RIN2: variants seen among roughly 807,000 people sequenced by gnomAD.
RIN2 encodes Ras and Rab interactor 2.
A neutral mutation model predicts 78.0 loss-of-function variants in RIN2; 36 were observed. That is an observed-to-expected ratio of 0.46 (90% CI 0.35 to 0.61). The LOEUF is 0.61. Ranked by LOEUF, RIN2 falls within the 20% of genes least tolerant of loss-of-function variation. The pLI is 0.00. For synonymous variants in RIN2, 466 were observed against 466.8 expected (o/e 1.00, Z 0.02); for missense variants, 1,087 against 1,159.7 (o/e 0.94, Z 0.91).
At chr20:19,851,736 AG>A (rs2036988074) in intron 2 of RIN2, among the ~76,000 whole-genome samples, 1 of 152,180 alleles carries the variant, frequency 6.6e-6, no homozygotes, top group East Asian at 1.9e-4. Context: ...GGCTCCCAAG[AG>A]CTCTAGCGGG....
intron 5 of RIN2, among the ~76,000 whole-genome samples, chr20:19,958,357 C>G (rs145632531): frequency 6.6e-6 from 1 of 152,258 alleles, no homozygotes; most frequent in South Asian, 2.1e-4. Flanking sequence ...GCAAAACATT[C>G]CAAAGACAGA....
chr20:19,845,990 T>C (rs1056464919), intron 2 of RIN2, among the ~76,000 whole-genome samples: 1 of 152,214 alleles, frequency 6.6e-6, no homozygotes, highest in African/African-American at 2.4e-5. Flanking sequence ...AGGGAATCCT[T>C]TCCCCATTGC....
chr20:19,867,400 A>T (rs1376417684), intron 2 of RIN2, among the ~76,000 whole-genome samples: 1 of 152,204 alleles, frequency 6.6e-6, no homozygotes, highest in Non-Finnish European at 1.5e-5. Context: ...AGTTTTTCCA[A>T]TTATCCCAAT....
chr20:19,908,938 C>T (rs986270453), intron 3 of RIN2, among the ~76,000 whole-genome samples: 1 of 152,176 alleles, frequency 6.6e-6, no homozygotes, highest in African/African-American at 2.4e-5. Context: ...GATCTCAGCT[C>T]ACTGCAACCT....
In RIN2 at chr20:19,952,078, A is replaced by C. The variant is rs773583884; in HGVS notation, c.159-4537A>C. Among the ~76,000 whole-genome samples, 3 of 152,188 alleles carry C rather than the reference A, an allele frequency of 2.0e-5. No individual in the cohort carries two copies. In the East Asian group the frequency reaches 5.8e-4, roughly 29 times the overall value. Reference sequence around the variant, plus strand: ...AGGGATCCAGGATGGGAAAGGGAGGAGGCAAGGCAAAGACGTGGGCTCTGC... The same window carrying C: ...AGGGATCCAGGATGGGAAAGGGAGGCGGCAAGGCAAAGACGTGGGCTCTGC... On this transcript the variant is annotated intron_variant, in intron 4 of 12. Transcript: ENST00000255006.
intron 2 of RIN2, among the ~76,000 whole-genome samples, chr20:19,876,754 A>C (rs934246136): frequency 2.6e-5 from 4 of 151,946 alleles, no homozygotes; most frequent in Non-Finnish European, 5.9e-5. Flanking sequence ...AAAATACAAA[A>C]ATTATCTGGG....
chr20:19,805,803 T>A (rs573573288), intron 2 of RIN2, among the ~76,000 whole-genome samples: 298 of 152,156 alleles, frequency 2.0e-3, no homozygotes, highest in African/African-American at 6.8e-3. Flanking sequence ...TGTGCCATGG[T>A]GGTTTGCTGC....
chr20:19,763,623 G>A (rs944626304), intron 1 of RIN2, among the ~76,000 whole-genome samples: 5 of 152,176 alleles, frequency 3.3e-5, no homozygotes, highest in Admixed American at 3.3e-4. Flanking sequence ...TTTAAACACA[G>A]TCATTTTGTG....
At chr20:19,945,432 C>T (rs919817662) in intron 4 of RIN2, among the ~76,000 whole-genome samples, 2 of 152,198 alleles carry the variant, frequency 1.3e-5, no homozygotes, top group East Asian at 1.9e-4. Flanking sequence ...TTCTTCAGAC[C>T]TCATGCACTG....
chr20:19,935,121 A>T lies in RIN2; in HGVS notation c.80A>T (p.Glu27Val). 6.2e-7 allele frequency: 1 copy of T among 1,601,522 alleles called. No homozygotes were observed. The highest frequency in any genetic ancestry group is 8.5e-7 in the Non-Finnish European group (1 of 1,174,062). The change falls in exon 4 of 13, where the codon GAG (glutamate) becomes GTG (valine). Residue 27 changes from glutamate to valine, a missense_variant. Glu to Val is a moderately radical substitution (Grantham distance 121). This residue lies in a region of RIN2 where 706 missense variants were observed against 667.5 expected (regional missense o/e 1.06). Transcript: ENST00000255006. ...FFKLIDTIAS[E>V]IGELKQEMVR... Reference sequence around the variant, plus strand: ...TAGCTCATTGACACAATTGCCTCGGAGATCGGAGAACTGAAACAGGAGATG... The same window carrying T: ...TAGCTCATTGACACAATTGCCTCGGTGATCGGAGAACTGAAACAGGAGATG...
At chr20:19,814,374 C>T (rs6132234) in intron 2 of RIN2, among the ~76,000 whole-genome samples, 46,111 of 151,534 alleles carry the variant, frequency 0.3, 7,392 homozygotes, top group African/African-American at 0.4. Flanking sequence ...CTTTCCCCTC[C>T]TCCCACCCCC....
At chr20:19,882,525 G>GA (rs2038054519) in intron 2 of RIN2, among the ~76,000 whole-genome samples, 2 of 152,128 alleles carry the variant, frequency 1.3e-5, no homozygotes, top group African/African-American at 4.8e-5. Context: ...CCTTGGAAAA[G>GA]AAAGCTCTAA....
chr20:19,872,797 T>G (rs576631906), intron 2 of RIN2, among the ~76,000 whole-genome samples: 10 of 152,176 alleles, frequency 6.6e-5, no homozygotes, highest in African/African-American at 9.7e-5. Flanking sequence ...AACTACAAAA[T>G]GTGGGACGCT....
At chr20:19,854,720 A>G (rs1383255794) in intron 2 of RIN2, among the ~76,000 whole-genome samples, 4 of 152,168 alleles carry the variant, frequency 2.6e-5, no homozygotes, top group Non-Finnish European at 4.4e-5. Flanking sequence ...TGATTTTTGC[A>G]CATTGATTTT....
chr20:19,928,776 C>G (rs1162707151), intron 3 of RIN2, among the ~76,000 whole-genome samples: 5 of 152,138 alleles, frequency 3.3e-5, no homozygotes. Context: ...CTGCCTTCCT[C>G]TCCCTCTTGT....
At chr20:19,790,803 T>C (rs1354048504) in intron 1 of RIN2, among the ~76,000 whole-genome samples, 2 of 152,202 alleles carry the variant, frequency 1.3e-5, no homozygotes, top group Non-Finnish European at 2.9e-5. Context: ...TAAATGGTCC[T>C]TCCAGCCTCC....
At position 19,893,837 on chromosome 20, in the gene RIN2, G is replaced by A. The variant is rs556404071; in HGVS notation, c.57+4179G>A. ...CTGTAAATTGTAGCATTTTGGGAGG[G>A]CAAGGTGGGCAGATCACTTGAGGTC... On this transcript the variant is annotated intron_variant, in intron 3 of 12. Transcript: ENST00000255006. 1.3e-5 allele frequency among the ~76,000 whole-genome samples: 2 copies of A among 152,242 alleles called. 1 individual carries two copies. Among genetic ancestry groups the A allele is most frequent in the Non-Finnish European group, 2.9e-5 (2 of 68,008 alleles).
At chr20:19,935,256 C>T (rs994560654) in intron 4 of RIN2, 57 bp downstream of exon 4, 3 of 1,455,438 alleles carry the variant, frequency 2.1e-6, no homozygotes, top group Non-Finnish European at 2.8e-6. Flanking sequence ...TGAACCCTGG[C>T]ACTGCCAAGG....
intron 2 of RIN2, among the ~76,000 whole-genome samples, chr20:19,880,392 CTTTTTTTTTTT>C (rs33934712): frequency 1.7e-5 from 1 of 57,416 alleles, no homozygotes; most frequent in African/African-American, 7.5e-5. Context: ...GGAAGTCATT[CTTTTTTTTTTT>C]TTTTTTTTTT....
Sources: gnomAD v4.1 joint callset for allele counts (sites outside exome capture counted in the v4.1 genomes callset) on GRCh38, gnomAD v4.1.1 for gene constraint, gnomAD v4.1.1 regional missense constraint, MANE v1.5 for transcripts, NCBI Gene and HGNC (gene_info 2026-07-23, HGNC 2026-07-21) for gene names.